The following ATRNL1 variants were observed in gnomAD, a reference collection of about 807,000 sequenced individuals.
ATRNL1 encodes the protein attractin like 1.
ATRNL1 carries 95 observed loss-of-function variants against 182.7 expected under a neutral mutation model. The ratio of observed to expected loss-of-function variants is 0.52; its 90% CI spans 0.44 to 0.62. ATRNL1 has a LOEUF of 0.62. Among genes scored for constraint, ATRNL1 ranks in the 20% least tolerant of loss-of-function variants. ATRNL1 has a pLI of 0.00. For missense variants in ATRNL1, 1,471 were observed against 1,679.5 expected, an observed-to-expected ratio of 0.88 and a Z score of 2.17; for synonymous variants, 576 against 568.3, an observed-to-expected ratio of 1.01 and a Z score of -0.19.
intron 25 of ATRNL1, among the ~76,000 whole-genome samples, chr10:115,542,445 A>T (rs1852413105): frequency 6.6e-6 from 1 of 152,068 alleles, no homozygotes; most frequent in Non-Finnish European, 1.5e-5. Context: ...TAGCTTCATG[A>T]TTGTGCCAAT....
intron 26 of ATRNL1, among the ~76,000 whole-genome samples, chr10:115,651,275 C>G (rs573318346): frequency 6.6e-6 from 1 of 152,270 alleles, no homozygotes; most frequent in East Asian, 1.9e-4. Context: ...TGCTCACTAC[C>G]TGGGTGATGG....
chr10:115,606,508 AG>A (rs1856882385), intron 26 of ATRNL1, among the ~76,000 whole-genome samples: 1 of 152,098 alleles, frequency 6.6e-6, no homozygotes, highest in Non-Finnish European at 1.5e-5. Context: ...GAGTTTTTGC[AG>A]TGCTTTTTGG....
intron 20 of ATRNL1, among the ~76,000 whole-genome samples, chr10:115,411,979 AT>A (rs1291308928): frequency 6.6e-6 from 1 of 152,104 alleles, no homozygotes; most frequent in Admixed American, 6.5e-5. Context: ...GTGTAGTTCC[AT>A]TTCCTTCCTT....
At chr10:115,668,324 G>C (rs1459068587) in intron 26 of ATRNL1, among the ~76,000 whole-genome samples, 4 of 152,016 alleles carry the variant, frequency 2.6e-5, no homozygotes, top group Admixed American at 2.6e-4. Context: ...GCTTGATCCT[G>C]TTTCATCTAT....
intron 18 of ATRNL1, among the ~76,000 whole-genome samples, chr10:115,324,024 G>T (rs1479729583): frequency 6.7e-6 from 1 of 149,036 alleles, no homozygotes; most frequent in Non-Finnish European, 1.5e-5. Flanking sequence ...TGATCTGCCC[G>T]CCTTGGCCTC....
chr10:115,266,136 A>G (rs1167787526), intron 11 of ATRNL1, among the ~76,000 whole-genome samples: 1 of 151,758 alleles, frequency 6.6e-6, no homozygotes, highest in Non-Finnish European at 1.5e-5. Context: ...TGACTGATTC[A>G]ATTTATTATG....
Position 115,362,432 on chromosome 10 carries a change from A to T in ATRNL1, c.3175+28013A>T, listed in dbSNP as rs56294611. On this transcript the variant is annotated intron_variant, in intron 19 of 28. Transcript: ENST00000355044. ...TATTGTGGAATGCTTAAATTAACTTAACATATTTATCACCTAACATACTTA... is the reference window on the plus strand; with the variant it reads ...TATTGTGGAATGCTTAAATTAACTTTACATATTTATCACCTAACATACTTA... Among the ~76,000 whole-genome samples the T allele has an allele frequency of 6.1e-3, 926 of 152,164 alleles. 3 individuals carry two copies. The highest frequency in any genetic ancestry group is 9.4e-3 in the Non-Finnish European group (637 of 67,984).
chr10:115,575,043 G>T (rs1477312536), intron 26 of ATRNL1, among the ~76,000 whole-genome samples: 1 of 152,042 alleles, frequency 6.6e-6, no homozygotes, highest in Non-Finnish European at 1.5e-5. Flanking sequence ...AGTAAACATT[G>T]TTGCTTTTTC....
chr10:115,405,688 TTTTC>T (rs1467005910), intron 20 of ATRNL1, among the ~76,000 whole-genome samples: 2 of 131,408 alleles, frequency 1.5e-5, no homozygotes, highest in Non-Finnish European at 3.6e-5. Flanking sequence ...CATTTGCCTG[TTTTC>T]TTTTTTTTTT....
intron 28 of ATRNL1, among the ~76,000 whole-genome samples, chr10:115,921,495 G>A (rs1953060670): frequency 6.7e-6 from 1 of 149,872 alleles, no homozygotes; most frequent in South Asian, 2.2e-4. Context: ...TGAGAAAAGA[G>A]AGTCCAGTTA....
intron 26 of ATRNL1, among the ~76,000 whole-genome samples, chr10:115,653,967 C>T (rs547946219): frequency 7.9e-4 from 120 of 152,232 alleles, no homozygotes; most frequent in African/African-American, 2.8e-3. Context: ...ACCATGAATA[C>T]TGATATTAAA....
At chr10:115,610,400 A>AT (rs1857095226) in intron 26 of ATRNL1, among the ~76,000 whole-genome samples, 1 of 152,094 alleles carries the variant, frequency 6.6e-6, no homozygotes, top group African/African-American at 2.4e-5. Flanking sequence ...AAAAAGCTTT[A>AT]TTTTTTCTCT....
intron 28 of ATRNL1, among the ~76,000 whole-genome samples, chr10:115,875,466 A>C (rs1299414784): frequency 6.6e-6 from 1 of 152,212 alleles, no homozygotes; most frequent in African/African-American, 2.4e-5. Context: ...ATTCAGGGGC[A>C]CTTTTTCTAA....
chr10:115,263,895 T>C (rs1251761644), intron 10 of ATRNL1, among the ~76,000 whole-genome samples: 3 of 151,680 alleles, frequency 2.0e-5, no homozygotes, highest in African/African-American at 7.2e-5. Context: ...CTGTGTTAAA[T>C]AAAGTTAGGT....
intron 5 of ATRNL1, among the ~76,000 whole-genome samples, chr10:115,155,230 CTT>C (rs1156457004): frequency 6.7e-6 from 1 of 148,722 alleles, no homozygotes; most frequent in South Asian, 2.1e-4. Flanking sequence ...TCATGTTTTT[CTT>C]TTTTTTTCTT....
At chr10:115,778,531 G>C (rs1400093321) in intron 27 of ATRNL1, among the ~76,000 whole-genome samples, 1 of 152,106 alleles carries the variant, frequency 6.6e-6, no homozygotes, top group East Asian at 1.9e-4. Context: ...AGTAAAGAAA[G>C]GGATAAGAAT....
chr10:115,404,409 C>A (rs758644268), intron 20 of ATRNL1, among the ~76,000 whole-genome samples: 31 of 152,146 alleles, frequency 2.0e-4, no homozygotes, highest in Non-Finnish European at 4.0e-4. Flanking sequence ...TGCCATACAC[C>A]CTCTGTTTCC....
At chr10:115,244,344 C>T (rs1850541948) in intron 10 of ATRNL1, among the ~76,000 whole-genome samples, 1 of 152,076 alleles carries the variant, frequency 6.6e-6, no homozygotes, top group South Asian at 2.1e-4. Context: ...ACCTTGCCTT[C>T]ACAGTTCCCA....
At chr10:115,371,983 G>T (rs1288160260) in intron 19 of ATRNL1, among the ~76,000 whole-genome samples, 2 of 152,116 alleles carry the variant, frequency 1.3e-5, no homozygotes, top group Non-Finnish European at 2.9e-5. Flanking sequence ...GAGATCTGAT[G>T]GTTTGAAAAA....
Sources: allele counts gnomAD v4.1 joint callset (sites outside exome capture counted in the v4.1 genomes callset), GRCh38; gene constraint gnomAD v4.1.1; transcripts MANE v1.5; gene names NCBI Gene and HGNC (gene_info 2026-07-23, HGNC 2026-07-21).